Variants in PAK5 observed in about 807,000 individuals in gnomAD.
The protein encoded by PAK5 is p21 (RAC1) activated kinase 5.
PAK5 carries 16 observed loss-of-function variants against 65.9 expected under a neutral mutation model. The observed-to-expected ratio is 0.24, with a 90% CI of 0.16 to 0.37. The LOEUF is 0.37. Ranked by LOEUF, PAK5 falls within the 10% of genes least tolerant of loss-of-function variation. The pLI, the probability that PAK5 is intolerant of heterozygous loss-of-function variation, is 1.00. For missense variants in PAK5, 785 were observed against 903.9 expected, an observed-to-expected ratio of 0.87 and a Z score of 1.69; for synonymous variants, 371 against 354.9, an observed-to-expected ratio of 1.05 and a Z score of -0.51.
chr20:9,584,341 C>T (rs922217182), intron 3 of PAK5, among the ~76,000 whole-genome samples: 1 of 152,174 alleles, frequency 6.6e-6, no homozygotes, highest in Non-Finnish European at 1.5e-5. Flanking sequence ...GAGAAAGAGT[C>T]TTGCTCTGTC....
At chr20:9,659,079 G>GGT (rs2047309142) in intron 2 of PAK5, among the ~76,000 whole-genome samples, 1 of 152,166 alleles carries the variant, frequency 6.6e-6, no homozygotes, top group Non-Finnish European at 1.5e-5. Flanking sequence ...ATACGTGGTA[G>GGT]GTGTTGTTCT....
chr20:9,644,765 G>C lies in PAK5; in HGVS notation c.-11-426C>G, dbSNP rs140566817. 1.6e-3 allele frequency among the ~76,000 whole-genome samples: 246 copies of C among 152,336 alleles called. 2 individuals carry two copies. Among genetic ancestry groups the C allele is most frequent in the African/African-American group, 5.5e-3 (230 of 41,580 alleles). On this transcript the variant is annotated intron_variant, in intron 2 of 9. Transcript: ENST00000353224. Reference sequence around the variant, plus strand: ...TTGGAAGGAGAGATGCATGAGGGCAGACACAAGCCCAACCTCCAGTCTGAA... The same window carrying C: ...TTGGAAGGAGAGATGCATGAGGGCACACACAAGCCCAACCTCCAGTCTGAA...
chr20:9,716,751 A>G (rs1456568680), intron 1 of PAK5, among the ~76,000 whole-genome samples: 1 of 152,120 alleles, frequency 6.6e-6, no homozygotes, highest in Non-Finnish European at 1.5e-5. Flanking sequence ...TTACCCATAT[A>G]TCTCTGCTAA....
intron 2 of PAK5, among the ~76,000 whole-genome samples, chr20:9,669,748 TATTTTTATTTATTTTG>T (rs989266526): frequency 3.3e-5 from 5 of 152,072 alleles, no homozygotes; most frequent in African/African-American, 9.7e-5. Flanking sequence ...ACTTTATTTT[TATTTTTATTTATTTTG>T]ATTTTTAAAA....
At chr20:9,622,615 G>A (rs536648286) in intron 3 of PAK5, among the ~76,000 whole-genome samples, 4 of 152,314 alleles carry the variant, frequency 2.6e-5, no homozygotes, top group South Asian at 2.1e-4. Flanking sequence ...GTGGTGGGCC[G>A]GTGAGCATTA....
At chr20:9,766,287 A>AAT (rs1219620988) in intron 1 of PAK5, among the ~76,000 whole-genome samples, 1 of 145,872 alleles carries the variant, frequency 6.9e-6, no homozygotes, top group East Asian at 2.0e-4. Flanking sequence ...ATTCTAATTG[A>AAT]ATATATATAT....
At chr20:9,743,406 G>GAAACGAAACA in intron 1 of PAK5, among the ~76,000 whole-genome samples, 1 of 150,428 alleles carries the variant, frequency 6.6e-6, no homozygotes, top group African/African-American at 2.4e-5. Flanking sequence ...AAAAACAAAC[G>GAAACGAAACA]AAACAAAACA....
At chr20:9,831,933 A>AT (rs1281828394) in intron 1 of PAK5, among the ~76,000 whole-genome samples, 1 of 152,102 alleles carries the variant, frequency 6.6e-6, no homozygotes, top group African/African-American at 2.4e-5. Context: ...TGATGTTTTC[A>AT]TTTCACAAAA....
intron 3 of PAK5, among the ~76,000 whole-genome samples, chr20:9,608,575 C>A (rs2046498932): frequency 6.6e-6 from 1 of 152,196 alleles, no homozygotes; most frequent in South Asian, 2.1e-4. Context: ...GACTTTCAAT[C>A]TTGTTTTCAA....
chr20:9,737,040 A>G (rs1384230848), intron 1 of PAK5, among the ~76,000 whole-genome samples: 1 of 152,096 alleles, frequency 6.6e-6, no homozygotes, highest in African/African-American at 2.4e-5. Flanking sequence ...CTAGAGTTCT[A>G]TGTCCAACAA....
chr20:9,562,066 A>G (rs1202547053), intron 6 of PAK5, among the ~76,000 whole-genome samples: 1 of 152,104 alleles, frequency 6.6e-6, no homozygotes, highest in Non-Finnish European at 1.5e-5. Context: ...TTTTCCTCCT[A>G]CTTGCCTTCT....
intron 1 of PAK5, among the ~76,000 whole-genome samples, chr20:9,799,970 A>T (rs2123733680): frequency 6.6e-6 from 1 of 150,718 alleles, no homozygotes; most frequent in Non-Finnish European, 1.5e-5. Flanking sequence ...AAAAAAATGA[A>T]AGAAAGAAAA....
At chr20:9,819,866 AT>A (rs1244942564) in intron 1 of PAK5, among the ~76,000 whole-genome samples, 2 of 152,118 alleles carry the variant, frequency 1.3e-5, no homozygotes, top group Non-Finnish European at 2.9e-5. Flanking sequence ...GCTAGAGAGT[AT>A]TTTTTGCTGG....
chr20:9,694,670 A>C (rs895576514), intron 2 of PAK5, among the ~76,000 whole-genome samples: 2 of 152,034 alleles, frequency 1.3e-5, no homozygotes, highest in Non-Finnish European at 2.9e-5. Flanking sequence ...ATACAATTCT[A>C]AGTGTGTTTG....
chr20:9,587,000 A>G (rs575366951), intron 3 of PAK5, among the ~76,000 whole-genome samples: 1 of 152,268 alleles, frequency 6.6e-6, no homozygotes, highest in East Asian at 1.9e-4. Flanking sequence ...TTAATCCATA[A>G]AACATTGAGA....
intron 1 of PAK5, among the ~76,000 whole-genome samples, chr20:9,809,335 A>ATTT (rs3061945): frequency 0.31 from 41,762 of 135,106 alleles, 7,233 homozygotes; most frequent in South Asian, 0.43. Context: ...GGCAATCCAA[A>ATTT]TTTTTTTTTT....
intron 9 of PAK5, among the ~76,000 whole-genome samples, chr20:9,541,376 C>A (rs2045260357): frequency 6.6e-6 from 1 of 152,136 alleles, no homozygotes; most frequent in Admixed American, 6.6e-5. Context: ...ATTTTCTGAG[C>A]TCGTCCTAAT....
At chr20:9,769,401 AC>A (rs2048808588) in intron 1 of PAK5, among the ~76,000 whole-genome samples, 2 of 152,240 alleles carry the variant, frequency 1.3e-5, no homozygotes, top group African/African-American at 4.8e-5. Context: ...CTGCATAACT[AC>A]ACAGGTGTCT....
intron 2 of PAK5, among the ~76,000 whole-genome samples, chr20:9,698,823 T>C (rs1023976540): frequency 6.6e-5 from 10 of 152,202 alleles, no homozygotes; most frequent in Non-Finnish European, 1.3e-4. Flanking sequence ...GAGAATTCCA[T>C]GGAATAAAAT....
Sources: allele counts gnomAD v4.1 joint callset (sites outside exome capture counted in the v4.1 genomes callset), GRCh38; gene constraint gnomAD v4.1.1; transcripts MANE v1.5; gene names NCBI Gene and HGNC (gene_info 2026-07-23, HGNC 2026-07-21).